The following NDST3 variants were observed in gnomAD, a reference collection of about 807,000 sequenced individuals.
NDST3 encodes N-deacetylase and N-sulfotransferase 3, also known as bifunctional heparan sulfate N-deacetylase/N-sulfotransferase 3.
Under a neutral mutation model 96.1 loss-of-function variants are expected in NDST3, and 58 were observed. The observed-to-expected ratio is 0.60, with a 90% CI of 0.49 to 0.75. NDST3 has a LOEUF of 0.75. Among genes scored for constraint, NDST3 ranks in the 30% least tolerant of loss-of-function variants. NDST3 has a pLI of 0.00. For missense variants in NDST3, 788 were observed against 1,034.2 expected, an observed-to-expected ratio of 0.76 and a Z score of 3.27; for synonymous variants, 333 against 359.7, an observed-to-expected ratio of 0.93 and a Z score of 0.84.
intron 6 of NDST3, among the ~76,000 whole-genome samples, chr4:118,209,986 A>C (rs1489814616): frequency 6.6e-6 from 1 of 152,174 alleles, no homozygotes; most frequent in Non-Finnish European, 1.5e-5. Context: ...GACCATTGTA[A>C]TTACACAAAA....
rs114814620 is a variant in NDST3, at chr4:118,139,866, T to G, written c.1410+1627T>G. Among the ~76,000 whole-genome samples, 1,410 of 152,284 alleles carry G rather than the reference T, an allele frequency of 9.3e-3. 25 individuals carry two copies. Among genetic ancestry groups the G allele is most frequent in the Middle Eastern group, 0.082 (24 of 294 alleles). On this transcript the variant is annotated intron_variant, in intron 5 of 13. Coordinates refer to ENST00000296499, the MANE Select transcript of NDST3 (RefSeq NM_004784.3). ...CCTTTCCCACTGCCACCATCTTAAT[T>G]TACTTCCTTGACTTTCATGTGTGAA...
At chr4:118,219,695 A>G (rs1739412569) in intron 6 of NDST3, among the ~76,000 whole-genome samples, 1 of 152,198 alleles carries the variant, frequency 6.6e-6, no homozygotes, top group African/African-American at 2.4e-5. Flanking sequence ...TGGGATTATA[A>G]TTAAACTAAA....
At chr4:118,171,579 T>C (rs1191720801) in intron 6 of NDST3, among the ~76,000 whole-genome samples, 2 of 151,968 alleles carry the variant, frequency 1.3e-5, no homozygotes, top group African/African-American at 4.8e-5. Flanking sequence ...GGCCCTAGAG[T>C]GTGGGGTGAC....
chr4:118,095,288 A>C (rs1374466238), intron 2 of NDST3, among the ~76,000 whole-genome samples: 5 of 151,838 alleles, frequency 3.3e-5, no homozygotes, highest in Non-Finnish European at 7.4e-5. Context: ...TCTAGAGCAT[A>C]GTGAGTAGGA....
intron 4 of NDST3, among the ~76,000 whole-genome samples, chr4:118,132,735 G>T (rs1732739524): frequency 6.6e-6 from 1 of 152,144 alleles, no homozygotes; most frequent in Non-Finnish European, 1.5e-5. Flanking sequence ...GGCTATCACT[G>T]ATGGTTATTC....
intron 6 of NDST3, among the ~76,000 whole-genome samples, chr4:118,162,441 T>C (rs908180992): frequency 6.6e-6 from 1 of 151,940 alleles, no homozygotes; most frequent in Non-Finnish European, 1.5e-5. Context: ...TCAGAAATAA[T>C]GCTGCGTATC....
rs763238949 is a variant in NDST3, at chr4:118,143,673, G to A, written c.1528G>A (p.Val510Ile). 18 of 1,597,616 alleles carry A rather than the reference G, an allele frequency of 1.1e-5. No homozygotes were observed. The highest frequency in any genetic ancestry group is 8.1e-5 in the South Asian group (7 of 86,666). ...AGGAGGAGAACTTTTCTTCACTGTC[G>A]TCCTCAACCCTGTAAGTACTTTATT... ...IQGGELFFTV[V>I]LNPISIFMTH... is the part of the protein sequence containing the mutation. Residue 510 changes from valine (V) to isoleucine (I), a missense_variant, in exon 6 of 14, where the codon GTC becomes ATC. Coordinates refer to ENST00000296499, the MANE Select transcript of NDST3 (RefSeq NM_004784.3).
intron 2 of NDST3, among the ~76,000 whole-genome samples, chr4:118,084,317 C>T (rs1197824091): frequency 6.6e-6 from 1 of 152,068 alleles, no homozygotes; most frequent in Non-Finnish European, 1.5e-5. Context: ...TATCCCATAA[C>T]ATCATTTTGT....
At chr4:118,057,122 A>C (rs933573631) in intron 2 of NDST3, among the ~76,000 whole-genome samples, 5 of 152,024 alleles carry the variant, frequency 3.3e-5, no homozygotes, top group East Asian at 1.9e-4. Flanking sequence ...TTTAGGAAGT[A>C]AAATTGAACA....
At chr4:118,133,103 C>T (rs1319231472) in intron 4 of NDST3, among the ~76,000 whole-genome samples, 1 of 152,210 alleles carries the variant, frequency 6.6e-6, no homozygotes, top group Non-Finnish European at 1.5e-5. Context: ...CCCTAGTCCA[C>T]TGGCTCTAAT....
In NDST3 at chr4:118,242,094, G is replaced by A. The variant is rs1328811128; in HGVS notation, c.2344G>A (p.Glu782Lys). 3.7e-6 allele frequency: 6 copies of A among 1,613,222 alleles called. No homozygotes were observed. Among genetic ancestry groups the A allele is most frequent in the East Asian group, 2.2e-5 (1 of 44,804 alleles). ...LRTDPATVMD[E>K]VQKFLGVLPH... ...AACTGATCCTGCTACAGTGATGGAT[G>A]AAGTACAGAAGTTTCTAGGAGTCTT... The change falls in exon 12 of 14, where the codon GAA becomes AAA. Residue 782 changes from glutamate to lysine, a missense_variant. Coordinates refer to ENST00000296499, the MANE Select transcript of NDST3 (RefSeq NM_004784.3).
At chr4:118,239,835 G>A (rs1457073022) in intron 10 of NDST3, among the ~76,000 whole-genome samples, 1 of 151,990 alleles carries the variant, frequency 6.6e-6, no homozygotes, top group East Asian at 1.9e-4. Flanking sequence ...ATATTTATTG[G>A]CCAATTTAAA....
intron 6 of NDST3, among the ~76,000 whole-genome samples, chr4:118,206,400 A>C (rs1578813507): frequency 1.4e-5 from 2 of 144,842 alleles, no homozygotes; most frequent in African/African-American, 5.1e-5. Flanking sequence ...GATAGGATTT[A>C]GACTGAAAGA....
chr4:118,034,577 T>C lies in NDST3; in HGVS notation c.-171T>C, dbSNP rs1421867847. The C allele has an allele frequency of 6.6e-6, 1 of 152,238 alleles. No individual in the cohort carries two copies. Among genetic ancestry groups the C allele is most frequent in the Non-Finnish European group, 1.5e-5 (1 of 68,040 alleles). The allele number at this position is 152,238 out of a possible 1,614,324, so 9.4% of individuals were successfully genotyped here. On this transcript the variant is annotated 5_prime_UTR_variant, in exon 1 of 14. Transcript: ENST00000296499. ...CAACTTTCTCAAGCATTTTCAGCTCTGAACTTTAATTCCAGGTAAGTGTAT... is the reference window on the plus strand; with the variant it reads ...CAACTTTCTCAAGCATTTTCAGCTCCGAACTTTAATTCCAGGTAAGTGTAT...
intron 4 of NDST3, among the ~76,000 whole-genome samples, chr4:118,133,705 T>C (rs1732832667): frequency 6.6e-6 from 1 of 152,186 alleles, no homozygotes; most frequent in Admixed American, 6.5e-5. Flanking sequence ...TCAAGTATTA[T>C]TTACATAGAT....
chr4:118,072,328 A>C (rs2389510), intron 2 of NDST3, among the ~76,000 whole-genome samples: 129,791 of 152,078 alleles, frequency 0.85, 56,943 homozygotes, highest in South Asian at 0.96. Flanking sequence ...GCAATATGGC[A>C]ATTTTAACAA....
At chr4:118,049,846 A>G (rs1724977292) in intron 1 of NDST3, among the ~76,000 whole-genome samples, 1 of 152,230 alleles carries the variant, frequency 6.6e-6, no homozygotes, top group Admixed American at 6.5e-5. Context: ...ATTATTCCAA[A>G]AAATTGAGGA....
chr4:118,232,683 G>GGAAAGAAAGAAAGAAA (rs201457518), intron 8 of NDST3, among the ~76,000 whole-genome samples: 332 of 150,074 alleles, frequency 2.2e-3, no homozygotes, highest in African/African-American at 3.3e-3. Flanking sequence ...GAAAAGAAAA[G>GGAAAGAAAGAAAGAAA]GAAAGAAACA....
chr4:118,078,367 A>T (rs1352970260), intron 2 of NDST3, among the ~76,000 whole-genome samples: 1 of 152,072 alleles, frequency 6.6e-6, no homozygotes, highest in East Asian at 1.9e-4. Context: ...ATAGACTGAA[A>T]GGCTTCTCAT....
Sources: allele counts gnomAD v4.1 joint callset (sites outside exome capture counted in the v4.1 genomes callset), GRCh38; gene constraint gnomAD v4.1.1; transcripts MANE v1.5; gene names NCBI Gene and HGNC (gene_info 2026-07-23, HGNC 2026-07-21).